The following MPHOSPH9 variants were observed in gnomAD, a reference collection of about 807,000 sequenced individuals.
MPHOSPH9 encodes M-phase phosphoprotein 9.
MPHOSPH9 carries 88 observed loss-of-function variants against 145.5 expected under a neutral mutation model. The observed-to-expected ratio is 0.60, with a 90% CI of 0.51 to 0.72. The LOEUF is 0.72. MPHOSPH9 is among the 30% of genes least tolerant of loss of function. The probability of loss-of-function intolerance (pLI) is 0.00; values close to 1 mark genes in which losing one functional copy is unlikely to be tolerated. For synonymous variants in MPHOSPH9, 435 were observed against 486.2 expected, an observed-to-expected ratio of 0.89 and a Z score of 1.39; for missense variants, 1,238 against 1,386.6, an observed-to-expected ratio of 0.89 and a Z score of 1.70.
chr12:123,173,498 G>C (rs1169252332), intron 16 of MPHOSPH9, among the ~76,000 whole-genome samples: 2 of 152,126 alleles, frequency 1.3e-5, no homozygotes, highest in Admixed American at 6.6e-5. Context: ...CATCCTCTGG[G>C]GGAAGGAATG....
At chr12:123,231,757 GC>G (rs1216060278) in intron 1 of MPHOSPH9, among the ~76,000 whole-genome samples, 1,640 of 151,870 alleles carry the variant, frequency 0.011, 27 homozygotes, top group African/African-American at 0.037. Context: ...TTTCAGTGAA[GC>G]TGGATATATA....
rs1264487015 is a variant in MPHOSPH9 at position 123,154,280 on chromosome 12, A to G, written c.*2527T>C. ...GCAAAGCCCCAAGCCAACAACAAAAATAGTTTATACCCGGGGATAATAGCT... is the reference window on the plus strand; with the variant it reads ...GCAAAGCCCCAAGCCAACAACAAAAGTAGTTTATACCCGGGGATAATAGCT... On this transcript the variant is annotated 3_prime_UTR_variant, in exon 24 of 24. Coordinates refer to ENST00000606320, the MANE Select transcript of MPHOSPH9 (RefSeq NM_022782.4). 6.6e-6 allele frequency: 1 copy of G among 151,836 alleles called. No homozygotes were observed. Among genetic ancestry groups the G allele is most frequent in the Non-Finnish European group, 1.5e-5 (1 of 68,000 alleles). 9.4% of individuals were successfully genotyped at this position (151,836 alleles called of 1,614,324 possible).
chr12:123,181,802 G>C (rs2045164715), intron 13 of MPHOSPH9, among the ~76,000 whole-genome samples: 1 of 152,040 alleles, frequency 6.6e-6, no homozygotes, highest in East Asian at 1.9e-4. Context: ...GGGAGGTTGA[G>C]ACTGCAGTGA....
downstream of MPHOSPH9, among the ~76,000 whole-genome samples, chr12:123,153,764 C>CAAAAAAAAAA (rs57564688): frequency 9.1e-6 from 1 of 109,350 alleles, no homozygotes; most frequent in Non-Finnish European, 1.7e-5. Context: ...GACTCCATCT[C>CAAAAAAAAAA]AAAAAAAAAA....
rs781777794 is a variant in MPHOSPH9 at position 123,175,152 on chromosome 12, C to CT, written c.2456+1535dup. Among the ~76,000 whole-genome samples, 235 of 145,352 alleles carry CT rather than the reference C, an allele frequency of 1.6e-3. 1 individual carries two copies. Among genetic ancestry groups the CT allele is most frequent in the Middle Eastern group, 3.6e-3 (1 of 280 alleles). On this transcript the variant is annotated intron_variant, in intron 16 of 23. Transcript: ENST00000606320. ...CCAATGGACTTAGGGCAAGATCTAACTTTTTTTTTTTTTTCTGAGACGGAG... is the reference window on the plus strand; with the variant it reads ...CCAATGGACTTAGGGCAAGATCTAACTTTTTTTTTTTTTTTCTGAGACGGAG...
intron 3 of MPHOSPH9, among the ~76,000 whole-genome samples, chr12:123,225,457 A>G (rs200797188): frequency 0.046 from 6,699 of 146,064 alleles, 312 homozygotes; most frequent in East Asian, 0.27. Flanking sequence ...AAAAAAAAAA[A>G]AAAGAAAGAA....
chr12:123,157,383 TA>T (rs11324033), intron 23 of MPHOSPH9, among the ~76,000 whole-genome samples: 115,369 of 149,540 alleles, frequency 0.77, 44,658 homozygotes, highest in East Asian at 0.96. Flanking sequence ...ATACTTTTCT[TA>T]AAAAAAAAAA....
At position 123,155,187 on chromosome 12, in the gene MPHOSPH9, G is replaced by C. The variant is rs547063962; in HGVS notation, c.*1620C>G. ...CATTGCACTCCAGCCTGGGCAACAA[G>C]GGCAAAACTCCATCTAAAAAAATAA... On this transcript the variant is annotated 3_prime_UTR_variant, in exon 24 of 24. Coordinates refer to ENST00000606320, the MANE Select transcript of MPHOSPH9 (RefSeq NM_022782.4). 2 of 150,656 alleles carry C rather than the reference G, an allele frequency of 1.3e-5. No individual in the cohort carries two copies. Among genetic ancestry groups the C allele is most frequent in the Non-Finnish European group, 1.5e-5 (1 of 67,774 alleles). 9.3% of individuals were successfully genotyped at this position (150,656 alleles called of 1,614,324 possible).
At chr12:123,219,261 C>T (rs1288421704) in intron 5 of MPHOSPH9, among the ~76,000 whole-genome samples, 2 of 150,688 alleles carry the variant, frequency 1.3e-5, no homozygotes, top group Non-Finnish European at 3.0e-5. Flanking sequence ...ACCTACATTA[C>T]TTTTTTCAAT....
intron 8 of MPHOSPH9, among the ~76,000 whole-genome samples, chr12:123,206,302 C>CA (rs56381254): frequency 0.6 from 87,997 of 147,188 alleles, 29,737 homozygotes; most frequent in Non-Finnish European, 0.74. Flanking sequence ...AACAAACAAA[C>CA]AAAAAAAAAA....
At chr12:123,216,962 C>T (rs2138539054) in intron 6 of MPHOSPH9, among the ~76,000 whole-genome samples, 1 of 151,614 alleles carries the variant, frequency 6.6e-6, no homozygotes, top group African/African-American at 2.4e-5. Flanking sequence ...GCAACCCAGC[C>T]TGGGCAACAG....
At chr12:123,234,901 T>G (rs141143950), upstream of MPHOSPH9, among the ~76,000 whole-genome samples, 93 of 152,328 alleles carry the variant, frequency 6.1e-4, no homozygotes, top group Middle Eastern at 3.4e-3. Flanking sequence ...AGACCAGAAT[T>G]ATGATCCCAC....
At chr12:123,196,706 T>G (rs2045962333) in intron 12 of MPHOSPH9, among the ~76,000 whole-genome samples, 1 of 152,168 alleles carries the variant, frequency 6.6e-6, no homozygotes, top group Non-Finnish European at 1.5e-5. Context: ...ACATAAAATC[T>G]TGTAGACAAA....
At chr12:123,231,241 G>A (rs1181658064) in intron 1 of MPHOSPH9, among the ~76,000 whole-genome samples, 1 of 152,006 alleles carries the variant, frequency 6.6e-6, no homozygotes, top group Non-Finnish European at 1.5e-5. Context: ...CGAGCAGCTG[G>A]GATTATAGCG....
chr12:123,239,777 T>C (rs1229757491), intron 1 of MPHOSPH9, among the ~76,000 whole-genome samples: 1 of 152,096 alleles, frequency 6.6e-6, no homozygotes, highest in Admixed American at 6.6e-5. Context: ...TTATTTTTTT[T>C]TCCCCCAGAT....
intron 13 of MPHOSPH9, among the ~76,000 whole-genome samples, chr12:123,181,778 G>A (rs554709335): frequency 1.8e-4 from 28 of 152,122 alleles, no homozygotes; most frequent in African/African-American, 6.7e-4. Context: ...GACTCAGGAG[G>A]CTCACTTGAG....
chr12:123,174,517 C>T (rs571537786), intron 16 of MPHOSPH9, among the ~76,000 whole-genome samples: 3 of 151,980 alleles, frequency 2.0e-5, no homozygotes, highest in Non-Finnish European at 2.9e-5. Flanking sequence ...GGACTACAGG[C>T]GCCCGCCACC....
chr12:123,234,448 G>T (rs753792999), upstream of MPHOSPH9, among the ~76,000 whole-genome samples: 6 of 152,064 alleles, frequency 3.9e-5, no homozygotes, highest in Admixed American at 6.6e-5. Context: ...CAGGCTGGAG[G>T]GCAGTGGCGC....
chr12:123,218,058 A>C (rs563000609), intron 6 of MPHOSPH9, among the ~76,000 whole-genome samples: 14 of 151,588 alleles, frequency 9.2e-5, no homozygotes, highest in African/African-American at 3.4e-4. Flanking sequence ...AAAAAAAAAA[A>C]AAATTGGCCA....
Sources: gnomAD v4.1 joint callset for allele counts (sites outside exome capture counted in the v4.1 genomes callset) on GRCh38, gnomAD v4.1.1 for gene constraint, MANE v1.5 for transcripts, NCBI Gene and HGNC (gene_info 2026-07-23, HGNC 2026-07-21) for gene names.